DPP6: variants seen among roughly 807,000 people sequenced by gnomAD.
DPP6 encodes A-type potassium channel modulatory protein DPP6.
Under a neutral mutation model 122.6 loss-of-function variants are expected in DPP6, and 69 were observed. The observed-to-expected ratio is 0.56, with a 90% CI of 0.46 to 0.69. The LOEUF is 0.69. Among genes scored for constraint, DPP6 ranks in the 30% least tolerant of loss-of-function variants. The pLI is 0.00. For missense variants in DPP6, 928 were observed against 1,116.9 expected, an observed-to-expected ratio of 0.83 and a Z score of 2.41; for synonymous variants, 418 against 433.1, an observed-to-expected ratio of 0.97 and a Z score of 0.43.
the DPP6 span, among the ~76,000 whole-genome samples, chr7:153,777,916 T>G: frequency 6.8e-6 from 1 of 147,086 alleles, no homozygotes; most frequent in South Asian, 2.1e-4. Flanking sequence ...ACAAGATATT[T>G]GGGGAACTCA....
chr7:154,616,105 T>C (rs1393885903), intron 5 of DPP6, among the ~76,000 whole-genome samples: 1 of 152,122 alleles, frequency 6.6e-6, no homozygotes, highest in Non-Finnish European at 1.5e-5. Context: ...ATGATTTGGG[T>C]ACAGCCCCAC....
At chr7:154,322,502 C>T (rs1217527152) in intron 1 of DPP6, among the ~76,000 whole-genome samples, 2 of 152,194 alleles carry the variant, frequency 1.3e-5, no homozygotes, top group African/African-American at 4.8e-5. Context: ...CATGGAGAGA[C>T]TCGTGCTTAA....
At chr7:154,842,105 C>T (rs1229060750) in intron 16 of DPP6, among the ~76,000 whole-genome samples, 4 of 152,320 alleles carry the variant, frequency 2.6e-5, no homozygotes, top group East Asian at 3.9e-4. Flanking sequence ...AATGCATGAA[C>T]GGGCAAATAA....
At chr7:154,317,863 A>C (rs1393345540) in intron 1 of DPP6, among the ~76,000 whole-genome samples, 1 of 152,264 alleles carries the variant, frequency 6.6e-6, no homozygotes, top group Non-Finnish European at 1.5e-5. Flanking sequence ...ATTGAATCCA[A>C]TAAAAACACC....
intron 1 of DPP6, among the ~76,000 whole-genome samples, chr7:153,993,383 C>A (rs1056620701): frequency 6.6e-6 from 1 of 152,264 alleles, no homozygotes; most frequent in African/African-American, 2.4e-5. Flanking sequence ...TTTATTTCAC[C>A]TGAATAAAAA....
intron 7 of DPP6, among the ~76,000 whole-genome samples, chr7:154,695,268 A>AGG (rs1337643041): frequency 6.6e-6 from 1 of 152,152 alleles, no homozygotes; most frequent in Non-Finnish European, 1.5e-5. Context: ...GGCGCCAGAA[A>AGG]GGGCTGTGAG....
chr7:154,690,052 G>GC (rs1215641691), intron 7 of DPP6, among the ~76,000 whole-genome samples: 1 of 152,122 alleles, frequency 6.6e-6, no homozygotes, highest in East Asian at 1.9e-4. Context: ...GTACTACTTG[G>GC]CACCAGTGTG....
In DPP6 at chr7:154,829,517, T is replaced by G. The variant is rs77500207; in HGVS notation, c.1666+22405T>G. Among the ~76,000 whole-genome samples, 1,126 of 127,836 alleles carry G rather than the reference T, an allele frequency of 8.8e-3. 12 individuals are homozygous for G. Among genetic ancestry groups the G allele is most frequent in the African/African-American group, 0.031 (1,041 of 33,464 alleles). The allele number at this position is 127,836 out of a possible 152,430, so 83.9% of individuals were successfully genotyped here. ...GAGGGAAGGAAGGAAGGAAGGAAAA[T>G]GGAGAGAGGGAGGAAGGGAAAAAGA... On this transcript the variant is annotated intron_variant, in intron 16 of 25. Coordinates refer to ENST00000377770, the MANE Select transcript of DPP6 (RefSeq NM_130797.4).
In DPP6 at chr7:154,481,292, A is replaced by G. The variant is rs1278157926; in HGVS notation, c.457+6255A>G. ...ATTGTCTATATGATGATGAGTTTCA[A>G]TTCTCTAGCTCAAATGCTCTTCCGA... is the stretch of plus-strand genomic sequence containing the variant. On this transcript the variant is annotated intron_variant, in intron 3 of 25. Coordinates refer to ENST00000377770, the MANE Select transcript of DPP6 (RefSeq NM_130797.4). The surrounding 1 kb of genome is among the most constrained non-coding windows in gnomAD (Gnocchi z 4.2). Among the ~76,000 whole-genome samples, 1 of 151,834 alleles carries G rather than the reference A, an allele frequency of 6.6e-6. No individual in the cohort carries two copies. Among genetic ancestry groups the G allele is most frequent in the Non-Finnish European group, 1.5e-5 (1 of 67,984 alleles).
intron 1 of DPP6, among the ~76,000 whole-genome samples, chr7:154,127,644 C>CAG (rs1563225958): frequency 0.019 from 1,267 of 66,922 alleles, 17 homozygotes; most frequent in African/African-American, 0.052. Flanking sequence ...GACACACACA[C>CAG]ACACACAGAC....
chr7:153,791,293 G>T, the DPP6 span, among the ~76,000 whole-genome samples: 1 of 136,824 alleles, frequency 7.3e-6, no homozygotes, highest in Non-Finnish European at 1.6e-5. Context: ...ATGGCAAAGG[G>T]ACTTAATCTT....
chr7:154,046,577 T>C (rs4725519), intron 1 of DPP6, among the ~76,000 whole-genome samples: 16,099 of 152,248 alleles, frequency 0.11, 949 homozygotes, highest in Middle Eastern at 0.15. Context: ...TGAAAGAAGA[T>C]GCTGCTACTC....
At chr7:154,749,236 G>A (rs1201705885) in intron 8 of DPP6, among the ~76,000 whole-genome samples, 2 of 129,974 alleles carry the variant, frequency 1.5e-5, no homozygotes, top group Admixed American at 7.4e-5. Context: ...AGGAGGGAGA[G>A]GGATGGAGGC....
At chr7:153,918,559 ACACACAG>A (rs1800464321) in intron 1 of DPP6, among the ~76,000 whole-genome samples, 1 of 83,146 alleles carries the variant, frequency 1.2e-5, no homozygotes, top group Non-Finnish European at 2.5e-5. Context: ...ACACACACAC[ACACACAG>A]TCTCTCTCTC....
intron 8 of DPP6, among the ~76,000 whole-genome samples, chr7:154,759,241 C>T (rs755767089): frequency 3.3e-5 from 5 of 152,220 alleles, no homozygotes; most frequent in Non-Finnish European, 7.3e-5. Flanking sequence ...ACTGCTTCCC[C>T]AGTCTTCACA....
chr7:154,305,455 A>T, intron 1 of DPP6: 13 of 1,554,292 alleles, frequency 8.4e-6, no homozygotes, highest in Non-Finnish European at 1.1e-5. Context: ...TCGCCGTCAG[A>T]CCCCACCTGC....
chr7:154,110,496 C>T (rs1806495097), intron 1 of DPP6, among the ~76,000 whole-genome samples: 1 of 152,102 alleles, frequency 6.6e-6, no homozygotes, highest in Non-Finnish European at 1.5e-5. Flanking sequence ...TTAAAATAGA[C>T]AAGAAGGACA....
intron 1 of DPP6, among the ~76,000 whole-genome samples, chr7:154,358,923 C>T (rs1034702310): frequency 4.6e-5 from 7 of 152,200 alleles, no homozygotes; most frequent in Non-Finnish European, 1.0e-4. Context: ...CCAGGCTGGT[C>T]TCGAACTCCT....
At position 153,997,593 on chromosome 7, in the gene DPP6, G is replaced by GCACACACACACACACACACACA. The variant is rs3980023; in HGVS notation, c.51+109861_51+109882dup. Among the ~76,000 whole-genome samples, 55 of 146,088 alleles carry GCACACACACACACACACACACA rather than the reference G, an allele frequency of 3.8e-4. 1 individual carries two copies. Among genetic ancestry groups the GCACACACACACACACACACACA allele is most frequent in the Admixed American group, 1.8e-3 (26 of 14,602 alleles). ...TATTCTCTTTGAGTATGAGTGCACAGCACACACACACACACACACACACCT... is the reference window on the plus strand; with the variant it reads ...TATTCTCTTTGAGTATGAGTGCACAGCACACACACACACACACACACACACACACACACACACACACACACCT... On this transcript the variant is annotated intron_variant, in intron 1 of 25. Transcript: ENST00000404039.
Sources: allele counts gnomAD v4.1 joint callset (sites outside exome capture counted in the v4.1 genomes callset), GRCh38; gene constraint gnomAD v4.1.1; non-coding constraint Gnocchi (gnomAD v3.1); transcripts MANE v1.5; gene names NCBI Gene and HGNC (gene_info 2026-07-23, HGNC 2026-07-21).